The following DPYSL5 variants were observed in gnomAD, a reference collection of about 807,000 sequenced individuals.
DPYSL5 encodes the protein dihydropyrimidinase-related protein 5.
Under a neutral mutation model 58.4 loss-of-function variants are expected in DPYSL5, and 9 were observed. The observed-to-expected ratio is 0.15, with a 90% CI of 0.09 to 0.27. The LOEUF (loss-of-function observed/expected upper bound fraction) is 0.27, where lower values mean the gene tolerates loss of function less well. DPYSL5 is among the 10% of genes least tolerant of loss of function. The pLI is 1.00. For synonymous variants in DPYSL5, 293 were observed against 301.9 expected, an observed-to-expected ratio of 0.97 and a Z score of 0.31; for missense variants, 499 against 770.6, an observed-to-expected ratio of 0.65 and a Z score of 4.17.
At position 26,877,815 on chromosome 2, in the gene DPYSL5, A is replaced by G. The variant is rs1322755287; in HGVS notation, c.-4-20681A>G. Among the ~76,000 whole-genome samples, 1 of 152,226 alleles carries G rather than the reference A, an allele frequency of 6.6e-6. No individual in the cohort carries two copies. The highest frequency in any genetic ancestry group is 1.5e-5 in the Non-Finnish European group (1 of 68,044). ...GGGTTCTGGTTTTGTCCTGTAAACT[A>G]CTTTCTTCACTCATAACCTCCCATG... is the stretch of plus-strand genomic sequence containing the variant. On this transcript the variant is annotated intron_variant, in intron 1 of 12. Coordinates refer to ENST00000288699, the MANE Select transcript of DPYSL5 (RefSeq NM_020134.4). The surrounding 1 kb of genome is among the most constrained non-coding windows in gnomAD (Gnocchi z 4.1).
chr2:26,898,185 G>T lies in DPYSL5; in HGVS notation c.-4-311G>T, dbSNP rs144775145. Among the ~76,000 whole-genome samples, 10 of 152,280 alleles carry T rather than the reference G, an allele frequency of 6.6e-5. No homozygotes were observed. Among genetic ancestry groups the T allele is most frequent in the African/African-American group, 2.4e-4 (10 of 41,558 alleles). On this transcript the variant is annotated intron_variant, in intron 1 of 12. Transcript: ENST00000288699. This position sits in a 1 kb window ranked among gnomAD's most constrained non-coding sequence, Gnocchi z 6.1. ...TGGGGATAGTAGAGATATGAGAAAT[G>T]AGATATGAGAGATAGAAAATGAGAT...
At chr2:26,914,120 T>G (rs1000815922) in intron 2 of DPYSL5, among the ~76,000 whole-genome samples, 3 of 152,190 alleles carry the variant, frequency 2.0e-5, no homozygotes, top group Non-Finnish European at 2.9e-5. Flanking sequence ...GTTTCCAGTA[T>G]TACAGAAGAA....
intron 2 of DPYSL5, among the ~76,000 whole-genome samples, chr2:26,899,190 C>T (rs1379061943): frequency 6.6e-6 from 1 of 152,130 alleles, no homozygotes; most frequent in Non-Finnish European, 1.5e-5. Context: ...GAGGATGAGA[C>T]AGCTTCTATT....
rs1365751017 is a variant in DPYSL5, at chr2:26,927,467, C to T, written c.600+35C>T. On this transcript the variant is annotated intron_variant, in intron 4 of 12. Coordinates refer to ENST00000288699, the MANE Select transcript of DPYSL5 (RefSeq NM_020134.4). The surrounding 1 kb of genome is among the most constrained non-coding windows in gnomAD (Gnocchi z 4.3). ...CAGCCAAGAATATTGGATGGAGGGA[C>T]ACCAGTGGAGACAGTTAGTTCTCAG... 10 of 1,606,404 alleles carry T rather than the reference C, an allele frequency of 6.2e-6. No individual in the cohort carries two copies. The highest frequency in any genetic ancestry group is 3.8e-4 in the Middle Eastern group (2 of 5,300).
intron 3 of DPYSL5, among the ~76,000 whole-genome samples, chr2:26,926,343 T>C (rs186995703): frequency 6.6e-6 from 1 of 152,332 alleles, no homozygotes; most frequent in East Asian, 1.9e-4. Flanking sequence ...CCTCTACCTC[T>C]GAGCCACTCT....
intron 2 of DPYSL5, among the ~76,000 whole-genome samples, chr2:26,912,680 C>G (rs1430912902): frequency 6.6e-6 from 1 of 152,192 alleles, no homozygotes; most frequent in Non-Finnish European, 1.5e-5. Flanking sequence ...CAGCCGGCTC[C>G]GTACTGTGGC....
chr2:26,913,501 T>C (rs1288006398), intron 2 of DPYSL5, among the ~76,000 whole-genome samples: 2 of 152,232 alleles, frequency 1.3e-5, no homozygotes, highest in Non-Finnish European at 1.5e-5. Context: ...ATTTTGCTTC[T>C]CCATTCATCT....
chr2:26,888,514 C>T (rs551769697), intron 1 of DPYSL5, among the ~76,000 whole-genome samples: 114 of 152,236 alleles, frequency 7.5e-4, no homozygotes, highest in African/African-American at 2.7e-3. Flanking sequence ...TCAGGTGATC[C>T]ACCCACCTCG....
rs1459637905 is a variant in DPYSL5, at chr2:26,912,272, G to A, written c.262-12615G>A. Among the ~76,000 whole-genome samples, 6 of 152,316 alleles carry A rather than the reference G, an allele frequency of 3.9e-5. No individual in the cohort carries two copies. In the East Asian group the frequency reaches 1.2e-3, roughly 29 times the overall value. On this transcript the variant is annotated intron_variant, in intron 2 of 12. Coordinates refer to ENST00000288699, the MANE Select transcript of DPYSL5 (RefSeq NM_020134.4). The stretch of plus-strand genomic sequence containing the variant: ...TAAGGGCAGGGCAGGCCTGTCTGCC[G>A]CCCATTGACTCACAGCCCCCGTTCC...
chr2:26,923,409 G>A (rs1160900777), intron 2 of DPYSL5, among the ~76,000 whole-genome samples: 1 of 152,202 alleles, frequency 6.6e-6, no homozygotes, highest in Non-Finnish European at 1.5e-5. Flanking sequence ...TGTTCCATAA[G>A]CAATGTTTTA....
chr2:26,906,186 C>CTT lies in DPYSL5; in HGVS notation c.261+7441_261+7442dup, dbSNP rs35287552. ...CTTTCACCAAGAAAAAAACCCATAT[C>CTT]TTTTTTTTTTTTTTTTGAGACAGAG... On this transcript the variant is annotated intron_variant, in intron 2 of 12. Coordinates refer to ENST00000288699, the MANE Select transcript of DPYSL5 (RefSeq NM_020134.4). 2.2e-3 allele frequency among the ~76,000 whole-genome samples: 309 copies of CTT among 138,756 alleles called. 2 individuals are homozygous for CTT. The highest frequency in any genetic ancestry group is 4.0e-3 in the African/African-American group (151 of 37,428). The allele number at this position is 138,756 out of a possible 152,430, so 91.0% of individuals were successfully genotyped here.
At chr2:26,870,916 C>A (rs1369654133) in intron 1 of DPYSL5, among the ~76,000 whole-genome samples, 2 of 152,034 alleles carry the variant, frequency 1.3e-5, no homozygotes, top group African/African-American at 4.8e-5. Flanking sequence ...TAGAGCTGCT[C>A]TACACATTGA....
At chr2:26,936,960 A>AAAAAAAAAAAAAAAAG in intron 8 of DPYSL5, among the ~76,000 whole-genome samples, 1 of 150,532 alleles carries the variant, frequency 6.6e-6, no homozygotes, top group African/African-American at 2.4e-5. Flanking sequence ...AAAAAAAAAA[A>AAAAAAAAAAAAAAAAG]AGCTTGTTTT....
At chr2:26,945,109 C>G (rs1467745116) in intron 12 of DPYSL5, among the ~76,000 whole-genome samples, 1 of 152,090 alleles carries the variant, frequency 6.6e-6, no homozygotes, top group Non-Finnish European at 1.5e-5. Context: ...ATCTTGAGGG[C>G]TGTGCACACA....
chr2:26,898,641 G>A lies in DPYSL5; in HGVS notation c.142G>A (p.Ala48Thr). The A allele has an allele frequency of 6.2e-7, 1 of 1,614,142 alleles. No individual in the cohort carries two copies. Among genetic ancestry groups the A allele is most frequent in the Non-Finnish European group, 8.5e-7 (1 of 1,180,032 alleles). The part of the protein sequence containing the change: ...VGRELMIPGG[A>T]KVIDATGKLV... ...CCGCGAGCTCATGATCCCTGGCGGG[G>A]CCAAGGTGATTGATGCCACAGGAAA... Residue 48 changes from alanine (A) to threonine (T), a missense_variant, in exon 2 of 13, where the codon GCC (alanine) becomes ACC (threonine). Around this residue, in one of 3 missense-constraint regions of DPYSL5, gnomAD observed 404 missense variants for 647.6 expected, o/e 0.62. Transcript: ENST00000288699. This position sits in a 1 kb window ranked among gnomAD's most constrained non-coding sequence, Gnocchi z 6.1.
intron 1 of DPYSL5, among the ~76,000 whole-genome samples, chr2:26,875,130 T>G (rs1263249541): frequency 6.6e-6 from 1 of 152,212 alleles, no homozygotes; most frequent in Non-Finnish European, 1.5e-5. Flanking sequence ...TTCCTCCAGT[T>G]CTCAGAAAAG....
chr2:26,875,825 C>T (rs1205255257), intron 1 of DPYSL5, among the ~76,000 whole-genome samples: 1 of 152,126 alleles, frequency 6.6e-6, no homozygotes, highest in Non-Finnish European at 1.5e-5. Flanking sequence ...TCATCAGTTC[C>T]AATTCCACCT....
intron 2 of DPYSL5, among the ~76,000 whole-genome samples, chr2:26,903,620 C>T (rs933569084): frequency 1.3e-5 from 2 of 152,128 alleles, no homozygotes; most frequent in African/African-American, 4.8e-5. Flanking sequence ...CGACCCTCAC[C>T]TTGTGAGCCA....
At chr2:26,904,406 T>C (rs1365018186) in intron 2 of DPYSL5, among the ~76,000 whole-genome samples, 1 of 152,200 alleles carries the variant, frequency 6.6e-6, no homozygotes, top group Non-Finnish European at 1.5e-5. Context: ...CAGTATTCTG[T>C]TTCTGGTAAA....
Sources: gnomAD v4.1 joint callset for allele counts (sites outside exome capture counted in the v4.1 genomes callset) on GRCh38, gnomAD v4.1.1 for gene constraint, gnomAD v4.1.1 regional missense constraint, Gnocchi (gnomAD v3.1) non-coding constraint, MANE v1.5 for transcripts, NCBI Gene and HGNC (gene_info 2026-07-23, HGNC 2026-07-21) for gene names.